The following PARD3B variants were observed in gnomAD, a reference collection of about 807,000 sequenced individuals.
PARD3B encodes the protein par-3 family cell polarity regulator beta.
Under a neutral mutation model 130.2 loss-of-function variants are expected in PARD3B, and 103 were observed. That is an observed-to-expected ratio of 0.79 (90% confidence interval 0.67 to 0.93). The LOEUF is 0.93. PARD3B is among the 40% of genes least tolerant of loss of function. The pLI, the probability that PARD3B is intolerant of heterozygous loss-of-function variation, is 0.00. For synonymous variants in PARD3B, 583 were observed against 553.2 expected (o/e 1.05, Z -0.76); for missense variants, 1,609 against 1,499.2 (o/e 1.07, Z -1.21).
chr2:205,522,145 TATTTTTAC>T (rs1367044530), intron 21 of PARD3B, among the ~76,000 whole-genome samples: 1 of 151,364 alleles, frequency 6.6e-6, no homozygotes, highest in Non-Finnish European at 1.5e-5. Flanking sequence ...TTTACTTCAT[TATTTTTAC>T]ATTTATTTTT....
At chr2:205,057,361 GTATA>G in intron 4 of PARD3B, among the ~76,000 whole-genome samples, 1 of 95,460 alleles carries the variant, frequency 1.0e-5, no homozygotes, top group Admixed American at 1.0e-4. Context: ...ATATATACAT[GTATA>G]TGTGTTATAT....
chr2:204,891,124 G>A (rs184091396), intron 2 of PARD3B, among the ~76,000 whole-genome samples: 22 of 151,332 alleles, frequency 1.5e-4, no homozygotes, highest in Admixed American at 2.0e-4. Context: ...CCCAGGACCC[G>A]ATATGGAATC....
intron 2 of PARD3B, among the ~76,000 whole-genome samples, chr2:204,783,977 A>G (rs2041926063): frequency 6.6e-6 from 1 of 152,074 alleles, no homozygotes; most frequent in Admixed American, 6.6e-5. Context: ...AACAGTTAAG[A>G]GAGCAGACTC....
chr2:205,609,010 T>C (rs1465282221), intron 22 of PARD3B, among the ~76,000 whole-genome samples: 1 of 152,162 alleles, frequency 6.6e-6, no homozygotes, highest in Non-Finnish European at 1.5e-5. Flanking sequence ...CATAACACAA[T>C]GGGAAATGTG....
chr2:205,204,393 G>A (rs929812785), intron 15 of PARD3B, among the ~76,000 whole-genome samples: 6 of 152,164 alleles, frequency 3.9e-5, no homozygotes, highest in Non-Finnish European at 5.9e-5. Flanking sequence ...TTCCCATTCT[G>A]TAGGTTGCCT....
chr2:204,632,667 G>T (rs896705876), intron 1 of PARD3B, among the ~76,000 whole-genome samples: 2 of 152,242 alleles, frequency 1.3e-5, no homozygotes, highest in East Asian at 3.9e-4. Context: ...CTCACGAGAC[G>T]ATCTCCTGTT....
intron 4 of PARD3B, among the ~76,000 whole-genome samples, chr2:205,057,088 T>A (rs1699686989): frequency 6.6e-6 from 1 of 151,604 alleles, no homozygotes; most frequent in African/African-American, 2.4e-5. Flanking sequence ...CAGGCATTGT[T>A]TATTTAAAGG....
chr2:204,624,302 CA>C (rs2034406925), intron 1 of PARD3B, among the ~76,000 whole-genome samples: 1 of 151,828 alleles, frequency 6.6e-6, no homozygotes, highest in Non-Finnish European at 1.5e-5. Flanking sequence ...AATCTCACAC[CA>C]AGAAAACAAA....
chr2:204,836,807 T>C (rs979731213), intron 2 of PARD3B, among the ~76,000 whole-genome samples: 2 of 152,176 alleles, frequency 1.3e-5, no homozygotes, highest in African/African-American at 4.8e-5. Flanking sequence ...AAAGGGAAAC[T>C]CTTATTTCTG....
intron 4 of PARD3B, among the ~76,000 whole-genome samples, chr2:205,054,432 ATATATTT>A (rs1338963851): frequency 3.2e-5 from 1 of 30,994 alleles, no homozygotes; most frequent in African/African-American, 1.5e-4. Flanking sequence ...ATATATATAT[ATATATTT>A]TTTTTTTTTT....
intron 20 of PARD3B, among the ~76,000 whole-genome samples, chr2:205,489,114 A>G (rs1218922961): frequency 6.6e-6 from 1 of 152,156 alleles, no homozygotes; most frequent in East Asian, 1.9e-4. Context: ...GAACTTTTCA[A>G]CTATATTTTA....
chr2:204,930,594 C>T (rs1017150515), intron 2 of PARD3B, among the ~76,000 whole-genome samples: 3 of 152,038 alleles, frequency 2.0e-5, no homozygotes, highest in African/African-American at 7.2e-5. Context: ...TAACTTCAGA[C>T]CTGTTACTTA....
At chr2:205,578,618 G>GA (rs1248582939) in intron 22 of PARD3B, among the ~76,000 whole-genome samples, 1 of 152,128 alleles carries the variant, frequency 6.6e-6, no homozygotes, top group African/African-American at 2.4e-5. Context: ...AGAATCATGA[G>GA]AAAAAATGGT....
chr2:204,691,630 A>C (rs1363351390), intron 2 of PARD3B, among the ~76,000 whole-genome samples: 2 of 152,110 alleles, frequency 1.3e-5, no homozygotes, highest in Non-Finnish European at 2.9e-5. Context: ...AAACTATATA[A>C]AATTTTAAGT....
At chr2:204,685,429 A>G (rs1404741613) in intron 1 of PARD3B, among the ~76,000 whole-genome samples, 1 of 152,210 alleles carries the variant, frequency 6.6e-6, no homozygotes, top group Non-Finnish European at 1.5e-5. Context: ...GGAAATAGGC[A>G]GTACGTAAGT....
chr2:205,201,374 G>A (rs1159854505), intron 15 of PARD3B, among the ~76,000 whole-genome samples: 1 of 151,998 alleles, frequency 6.6e-6, no homozygotes, highest in African/African-American at 2.4e-5. Flanking sequence ...TGGCATGTTT[G>A]GTATGAAAGG....
intron 22 of PARD3B, among the ~76,000 whole-genome samples, chr2:205,579,382 T>G (rs1293349651): frequency 6.6e-6 from 1 of 152,154 alleles, no homozygotes; most frequent in Non-Finnish European, 1.5e-5. Flanking sequence ...AGAGGTACCT[T>G]TCCAGTATCA....
In PARD3B at chr2:205,616,744, G is replaced by T. The variant is rs1261224846; in HGVS notation, c.*931G>T. 1 of 152,372 alleles carries T rather than the reference G, an allele frequency of 6.6e-6. No homozygotes were observed. Among genetic ancestry groups the T allele is most frequent in the African/African-American group, 2.4e-5 (1 of 41,436 alleles). 9.4% of individuals were successfully genotyped at this position (152,372 alleles called of 1,614,324 possible). ...GGCTAAAATGTAGTTGGGAAAGAGG[G>T]CCTACTGGGGAGGTCTCACAGGAGG... On this transcript the variant is annotated 3_prime_UTR_variant, in exon 23 of 23. Coordinates refer to ENST00000406610, the MANE Select transcript of PARD3B (RefSeq NM_001302769.2).
chr2:205,575,113 A>ACACACACACACACG lies in PARD3B; in HGVS notation c.3260+21711_3260+21712insACACACACACACGC, dbSNP rs141496657. Among the ~76,000 whole-genome samples the ACACACACACACACG allele has an allele frequency of 1.6e-5, 2 of 126,286 alleles. No individual in the cohort carries two copies. The highest frequency in any genetic ancestry group is 2.7e-5 in the African/African-American group (1 of 37,220). 82.8% of individuals were successfully genotyped at this position (126,286 alleles called of 152,430 possible). On this transcript the variant is annotated intron_variant, in intron 22 of 22. Transcript: ENST00000406610. The surrounding 1 kb of genome is among the most constrained non-coding windows in gnomAD (Gnocchi z 4.6). The stretch of plus-strand genomic sequence containing the variant: ...CACACACACACACACACACACACAC[A>ACACACACACACACG]CGCGTACACTATATATAAAAATATA...
Sources: gnomAD v4.1 joint callset for allele counts (sites outside exome capture counted in the v4.1 genomes callset) on GRCh38, gnomAD v4.1.1 for gene constraint, Gnocchi (gnomAD v3.1) non-coding constraint, MANE v1.5 for transcripts, NCBI Gene and HGNC (gene_info 2026-07-23, HGNC 2026-07-21) for gene names.